MYLK: variants seen among roughly 807,000 people sequenced by gnomAD.
The protein encoded by MYLK is myosin light chain kinase, smooth muscle.
Under a neutral mutation model 203.4 loss-of-function variants are expected in MYLK, and 106 were observed. That is an observed-to-expected ratio of 0.52 (90% confidence interval 0.45 to 0.61). The LOEUF (loss-of-function observed/expected upper bound fraction) is 0.61. Among genes scored for constraint, MYLK ranks in the 20% least tolerant of loss-of-function variants. The pLI is 0.00. For missense variants in MYLK, 2,072 were observed against 2,442.3 expected (o/e 0.85, Z 3.20); for synonymous variants, 867 against 959.5 (o/e 0.90, Z 1.78).
intron 3 of MYLK, chr3:123,800,183 T>G (rs2065146653): frequency 6.6e-6 from 1 of 151,744 alleles, no homozygotes; most frequent in African/African-American, 2.4e-5. Flanking sequence ...AGCTCACAGG[T>G]TTTTATTTTT....
intron 4 of MYLK, among the ~76,000 whole-genome samples, chr3:123,754,875 C>A (rs781287044): frequency 6.6e-6 from 1 of 151,720 alleles, no homozygotes; most frequent in Non-Finnish European, 1.5e-5. Context: ...AATCTAGTAG[C>A]GGAAATAAAA....
intron 5 of MYLK, among the ~76,000 whole-genome samples, chr3:123,744,088 G>A (rs1448601937): frequency 0.012 from 6 of 490 alleles, no homozygotes; most frequent in East Asian, 0.12. Context: ...CGTATTAACT[G>A]ATATCCCCAT....
At chr3:123,650,804 C>G (rs570359954) in intron 24 of MYLK, among the ~76,000 whole-genome samples, 1 of 152,268 alleles carries the variant, frequency 6.6e-6, no homozygotes, top group South Asian at 2.1e-4. Flanking sequence ...CAACTAGAAG[C>G]CAGGAATGGA....
At position 123,700,061 on chromosome 3, in the gene MYLK, T is replaced by A; in HGVS notation, c.3407A>T (p.Lys1136Met). 1.2e-6 allele frequency: 2 copies of A among 1,613,992 alleles called. No homozygotes were observed. Among genetic ancestry groups the A allele is most frequent in the Non-Finnish European group, 1.7e-6 (2 of 1,179,990 alleles). ...GATGAACTTGGTGGTCTTGAGGGTC[T>A]TTCCGTTCAGCGTCCAGATGATGGT... ...PATIIWTLNG[K>M]TLKTTKFIIL... Residue 1136 changes from lysine (K) to methionine (M), a missense_variant, in exon 18 of 34, where the codon AAG (lysine) becomes ATG (methionine). Around this residue, in one of 3 missense-constraint regions of MYLK, gnomAD observed 865 missense variants for 1,016.0 expected, o/e 0.85. Transcript: ENST00000360304.
At chr3:123,784,403 T>TTTA (rs869293939) in intron 4 of MYLK, among the ~76,000 whole-genome samples, 1 of 147,774 alleles carries the variant, frequency 6.8e-6, no homozygotes, top group Admixed American at 6.7e-5. Context: ...TTTTTTTTTT[T>TTTA]ACCTCTGTCA....
intron 4 of MYLK, among the ~76,000 whole-genome samples, chr3:123,777,601 G>A (rs1175136080): frequency 6.6e-6 from 1 of 152,226 alleles, no homozygotes; most frequent in Non-Finnish European, 1.5e-5. Context: ...AGAGACCTGA[G>A]GGCCACAAGG....
In MYLK at chr3:123,793,691, T is replaced by G; in HGVS notation, c.151A>C (p.Lys51Gln). 6.2e-7 allele frequency: 1 copy of G among 1,614,108 alleles called. No homozygotes were observed. The highest frequency in any genetic ancestry group is 8.5e-7 in the Non-Finnish European group (1 of 1,179,992). The change falls in exon 4 of 34, where the codon AAG (lysine) becomes CAG (glutamine). Residue 51 changes from lysine (K) to glutamine (Q), a missense_variant. Lys to Gln is a moderately conservative substitution (Grantham distance 53, BLOSUM62 1). Transcript: ENST00000360304. ...ACACTTCTTACCCGCCCTTCGAACTTGGCGGTGGCTCCTTCTTTGATGCAG... is the reference window on the plus strand; with the variant it reads ...ACACTTCTTACCCGCCCTTCGAACTGGGCGGTGGCTCCTTCTTTGATGCAG... ...NLCIKEGATA[K>Q]FEGRVRGYPE...
chr3:123,619,557 A>T (rs2057727379), intron 32 of MYLK, among the ~76,000 whole-genome samples: 2 of 152,218 alleles, frequency 1.3e-5, no homozygotes, highest in African/African-American at 4.8e-5. Flanking sequence ...GTCTCTGGCC[A>T]AATGAGATAA....
chr3:123,667,432 T>G (rs2059774921), intron 20 of MYLK, among the ~76,000 whole-genome samples: 1 of 151,686 alleles, frequency 6.6e-6, no homozygotes, highest in Non-Finnish European at 1.5e-5. Context: ...TGAAACCCCA[T>G]CTCTACTAAA....
chr3:123,755,334 A>C (rs2063328794), intron 4 of MYLK, among the ~76,000 whole-genome samples: 1 of 152,172 alleles, frequency 6.6e-6, no homozygotes, highest in South Asian at 2.1e-4. Context: ...AACGTTCCAG[A>C]CCTCAGGGAC....
At position 123,785,898 on chromosome 3, in the gene MYLK, G is replaced by C. The variant is rs76477760; in HGVS notation, c.165+7779C>G. 1.2e-3 allele frequency among the ~76,000 whole-genome samples: 176 copies of C among 152,338 alleles called. 2 individuals are homozygous for C. In the East Asian group the frequency reaches 0.032, roughly 28 times the overall value. Reference sequence around the variant, plus strand: ...AAGTTTAAGTAGCCACATGTGACTAGTGGGTAGGTATCCTATTGGACAATG... The same window carrying C: ...AAGTTTAAGTAGCCACATGTGACTACTGGGTAGGTATCCTATTGGACAATG... On this transcript the variant is annotated intron_variant, in intron 4 of 33. Coordinates refer to ENST00000360304, the MANE Select transcript of MYLK (RefSeq NM_053025.4).
intron 16 of MYLK, among the ~76,000 whole-genome samples, chr3:123,706,507 C>T (rs534886790): frequency 6.6e-6 from 1 of 152,264 alleles, no homozygotes; most frequent in East Asian, 1.9e-4. Flanking sequence ...GGATGTGGCA[C>T]GACCTCCTAT....
chr3:123,692,301 C>T (rs1206879957), intron 19 of MYLK: 6 of 1,138,260 alleles, frequency 5.3e-6, no homozygotes, highest in Non-Finnish European at 5.5e-6. Context: ...GGAAGTCTCC[C>T]ACACGGACCT....
At chr3:123,805,100 C>A (rs1035628895) in intron 3 of MYLK, among the ~76,000 whole-genome samples, 12 of 152,270 alleles carry the variant, frequency 7.9e-5, no homozygotes, top group African/African-American at 2.9e-4. Flanking sequence ...ACTCGTTTGG[C>A]TCTGGTGCAT....
At chr3:123,643,602 T>C (rs937953194) in intron 27 of MYLK, among the ~76,000 whole-genome samples, 6 of 152,160 alleles carry the variant, frequency 3.9e-5, no homozygotes, top group African/African-American at 1.4e-4. Flanking sequence ...GGGTGGAAAA[T>C]ATTGGTTTGA....
chr3:123,828,798 A>C (rs901204152), intron 3 of MYLK, among the ~76,000 whole-genome samples: 9 of 152,226 alleles, frequency 5.9e-5, no homozygotes, highest in Admixed American at 3.9e-4. Flanking sequence ...TGATATGAAC[A>C]GACATTTCTC....
intron 20 of MYLK, among the ~76,000 whole-genome samples, chr3:123,678,794 A>T (rs1317297015): frequency 6.6e-6 from 1 of 152,156 alleles, no homozygotes; most frequent in East Asian, 1.9e-4. Context: ...AATCCAATTG[A>T]TGTACTTGTG....
chr3:123,626,454 T>G (rs907327634), intron 31 of MYLK, among the ~76,000 whole-genome samples: 16 of 152,214 alleles, frequency 1.1e-4, no homozygotes, highest in African/African-American at 3.9e-4. Context: ...ACCACCATAC[T>G]ACCACCCCAT....
intron 20 of MYLK, among the ~76,000 whole-genome samples, chr3:123,679,350 A>G (rs1373005811): frequency 6.6e-6 from 1 of 150,442 alleles, no homozygotes; most frequent in Non-Finnish European, 1.5e-5. Flanking sequence ...TTCACTTCCC[A>G]TCTCTGGGCA....
Sources: gnomAD v4.1 joint callset for allele counts (sites outside exome capture counted in the v4.1 genomes callset) on GRCh38, gnomAD v4.1.1 for gene constraint, gnomAD v4.1.1 regional missense constraint, MANE v1.5 for transcripts, NCBI Gene and HGNC (gene_info 2026-07-23, HGNC 2026-07-21) for gene names.